MBD3: variants seen among roughly 807,000 people sequenced by gnomAD.
MBD3 encodes methyl-CpG binding domain protein 3, also known as methyl-CpG-binding domain protein 3.
In MBD3, 13 loss-of-function variants were observed where a neutral mutation model predicts 31.2. The ratio of observed to expected loss-of-function variants is 0.42; its 90% confidence interval spans 0.27 to 0.66. The LOEUF is 0.66. Ranked by LOEUF, MBD3 falls within the 30% of genes least tolerant of loss-of-function variation. The probability of loss-of-function intolerance (pLI) is 0.26; values close to 1 mark genes in which losing one functional copy is unlikely to be tolerated. For synonymous variants in MBD3, 223 were observed against 187.4 expected, an observed-to-expected ratio of 1.19 and a Z score of -1.55; for missense variants, 440 against 426.5, an observed-to-expected ratio of 1.03 and a Z score of -0.28.
At chr19:1,588,313 G>A (rs973720654) in intron 1 of MBD3, among the ~76,000 whole-genome samples, 2 of 152,160 alleles carry the variant, frequency 1.3e-5, no homozygotes, top group African/African-American at 2.4e-5. Context: ...CTCTGGACTG[G>A]CTGACGTTCA....
At chr19:1,591,596 G>A (rs1262773720) in intron 1 of MBD3, among the ~76,000 whole-genome samples, 3 of 151,952 alleles carry the variant, frequency 2.0e-5, no homozygotes, top group Admixed American at 1.3e-4. Context: ...GGCGTCCTCC[G>A]CTTTCCCCTC....
chr19:1,590,191 G>T (rs890762281), intron 1 of MBD3, among the ~76,000 whole-genome samples: 6 of 152,170 alleles, frequency 3.9e-5, no homozygotes, highest in African/African-American at 1.4e-4. Flanking sequence ...CCAGCTACTC[G>T]GGAGGCTGAG....
intron 3 of MBD3, among the ~76,000 whole-genome samples, chr19:1,583,945 C>T (rs2060665233): frequency 6.6e-6 from 1 of 152,024 alleles, no homozygotes; most frequent in Non-Finnish European, 1.5e-5. Context: ...CCTCAGCCTC[C>T]CGGGTAGCTG....
intron 2 of MBD3, 178 bp downstream of exon 2, chr19:1,584,877 C>T (rs2060670713): frequency 3.7e-6 from 4 of 1,069,760 alleles, no homozygotes; most frequent in Admixed American, 5.4e-5. Context: ...GGGCCGCGTC[C>T]TCGCCATGCG....
intron 3 of MBD3, chr19:1,583,168 C>A: frequency 6.4e-6 from 1 of 156,528 alleles, no homozygotes; most frequent in Non-Finnish European, 1.4e-5. Flanking sequence ...CGCACCATTG[C>A]ACTACAGCCT....
chr19:1,582,574 C>G (rs769700073), intron 4 of MBD3, 48 bp downstream of exon 4: 1 of 1,574,094 alleles, frequency 6.4e-7, no homozygotes. Context: ...AGCACCTCCA[C>G]CCCACCCGGC....
intron 1 of MBD3, chr19:1,592,201 G>C (rs181052731): frequency 4.6e-5 from 7 of 152,974 alleles, no homozygotes; most frequent in African/African-American, 1.7e-4. Context: ...GAACCAAAGG[G>C]ACAGCCCACC....
chr19:1,586,510 G>C (rs145299431), intron 1 of MBD3: 1 of 152,384 alleles, frequency 6.6e-6, no homozygotes, highest in Admixed American at 6.6e-5. Flanking sequence ...ACAGGACTTC[G>C]TTTCTCTCTT....
intron 4 of MBD3, among the ~76,000 whole-genome samples, chr19:1,581,986 C>A (rs1165628128): frequency 6.6e-6 from 1 of 152,090 alleles, no homozygotes; most frequent in Non-Finnish European, 1.5e-5. Context: ...CCAGGATGAT[C>A]TCGATCTCCT....
rs113624162 is a variant in MBD3, at chr19:1,586,746, A to T, written c.111-1532T>A. On this transcript the variant is annotated intron_variant, in intron 1 of 6. Transcript: ENST00000434436. ...AAGTGGCTCGATCTTGGCTCTCTGC[A>T]ACCTCCACCTCCCAGGTTCAAGTGA... is the stretch of plus-strand genomic sequence containing the variant. Among the ~76,000 whole-genome samples the T allele has an allele frequency of 7.4e-4, 111 of 149,110 alleles. 2 individuals carry two copies. Among genetic ancestry groups the T allele is most frequent in the African/African-American group, 2.7e-3 (107 of 40,214 alleles).
At chr19:1,586,969 ATT>A (rs1262094351) in intron 1 of MBD3, among the ~76,000 whole-genome samples, 2 of 115,802 alleles carry the variant, frequency 1.7e-5, no homozygotes. Flanking sequence ...GCCCGGCCTA[ATT>A]TTTTTTTTTT....
intron 1 of MBD3, among the ~76,000 whole-genome samples, chr19:1,588,100 G>C (rs2060687492): frequency 6.6e-6 from 1 of 152,160 alleles, no homozygotes; most frequent in South Asian, 2.1e-4. Flanking sequence ...CCGATACATA[G>C]ATCACAGGAA....
rs1374590326 is a variant in MBD3, at chr19:1,578,978, G to A, written c.678-440C>T. ...GTGGGCAGATCACTTGAGGTCAGGC[G>A]TTCGAGACCAGCCTGACCAACATGA... On this transcript the variant is annotated intron_variant, in intron 5 of 6. Coordinates refer to ENST00000434436, the MANE Select transcript of MBD3 (RefSeq NM_001281453.2). The surrounding 1 kb of genome is among the most constrained non-coding windows in gnomAD (Gnocchi z 6.1). Among the ~76,000 whole-genome samples the A allele has an allele frequency of 3.3e-5, 5 of 152,028 alleles. No homozygotes were observed. Among genetic ancestry groups the A allele is most frequent in the African/African-American group, 9.7e-5 (4 of 41,418 alleles).
chr19:1,589,344 C>CAAAA (rs35111393), intron 1 of MBD3, among the ~76,000 whole-genome samples: 72 of 65,438 alleles, frequency 1.1e-3, no homozygotes, highest in African/African-American at 1.6e-3. Flanking sequence ...AACTCGGTCT[C>CAAAA]AAAAAAAAAA....
chr19:1,578,607 T>C lies in MBD3; in HGVS notation c.678-69A>G, dbSNP rs1428935546. 1.1e-5 allele frequency: 17 copies of C among 1,603,232 alleles called. No homozygotes were observed. The highest frequency in any genetic ancestry group is 1.4e-5 in the Non-Finnish European group (16 of 1,179,800). ...GCAGGACATGGACACAGGATGAACG[T>C]GGGGACCTCAGCTGGGAGGGGAGGC... On this transcript the variant is annotated intron_variant, in intron 5 of 6. Coordinates refer to ENST00000434436, the MANE Select transcript of MBD3 (RefSeq NM_001281453.2). The surrounding 1 kb of genome is among the most constrained non-coding windows in gnomAD (Gnocchi z 6.1).
chr19:1,582,236 C>G (rs955302282), intron 4 of MBD3, among the ~76,000 whole-genome samples: 6 of 152,218 alleles, frequency 3.9e-5, no homozygotes, highest in Non-Finnish European at 8.8e-5. Context: ...CAAAACCATG[C>G]AAGAGCTGCA....
rs373846357 is a variant in MBD3 at position 1,585,010 on chromosome 19, T to C, written c.270+45A>G. On this transcript the variant is annotated intron_variant, in intron 2 of 6. Transcript: ENST00000434436. This position sits in a 1 kb window ranked among gnomAD's most constrained non-coding sequence, Gnocchi z 4.1. The stretch of plus-strand genomic sequence containing the variant: ...CTCACGTCATGGCCGCGTCCCCGCC[T>C]AGAACGCCCCGCGCCGACGTCACCT... 3.1e-4 allele frequency: 492 copies of C among 1,603,806 alleles called. No individual in the cohort carries two copies. Among genetic ancestry groups the C allele is most frequent in the Non-Finnish European group, 3.9e-4 (456 of 1,178,616 alleles).
At position 1,578,336 on chromosome 19, in the gene MBD3, T is replaced by C. The variant is rs747257465; in HGVS notation, c.*4A>G. 6.2e-7 allele frequency: 1 copy of C among 1,602,718 alleles called. No homozygotes were observed. ...GGAGCCCCCGTGGCCCCGCAGCACC[T>C]GCCCTAGACGTGCTCCATCTCCGGG... On this transcript the variant is annotated splice_region_variant and 3_prime_UTR_variant, in exon 6 of 7. Transcript: ENST00000434436. This position sits in a 1 kb window ranked among gnomAD's most constrained non-coding sequence, Gnocchi z 6.1.
rs1055505573 is a variant in MBD3, at chr19:1,574,739, G to A, written c.*3425C>T. 3 of 154,160 alleles carry A rather than the reference G, an allele frequency of 1.9e-5. No homozygotes were observed. The highest frequency in any genetic ancestry group is 3.5e-4 in the South Asian group (2 of 5,644). The allele number at this position is 154,160 out of a possible 1,614,324, so 9.5% of individuals were successfully genotyped here. A position where few individuals can be genotyped will look rare whatever the true frequency, so the allele number is the denominator to read the frequency against. Reference sequence around the variant, plus strand: ...ATGGCCCTGTCCGAAAGAACGTTCCGGAAGCTGGGGGTGTTTTCCATGGGC... The same window carrying A: ...ATGGCCCTGTCCGAAAGAACGTTCCAGAAGCTGGGGGTGTTTTCCATGGGC... On this transcript the variant is annotated 3_prime_UTR_variant, in exon 7 of 7. Coordinates refer to ENST00000434436, the MANE Select transcript of MBD3 (RefSeq NM_001281453.2).
Sources: gnomAD v4.1 joint callset for allele counts (sites outside exome capture counted in the v4.1 genomes callset) on GRCh38, gnomAD v4.1.1 for gene constraint, Gnocchi (gnomAD v3.1) non-coding constraint, MANE v1.5 for transcripts, NCBI Gene and HGNC (gene_info 2026-07-23, HGNC 2026-07-21) for gene names.